The following OTUD7A variants were observed in gnomAD, a reference collection of about 807,000 sequenced individuals.
OTUD7A encodes OTU deubiquitinase 7A, also known as OTU domain-containing protein 7A.
In OTUD7A, 12 loss-of-function variants were observed where a neutral mutation model predicts 65.7. That is an observed-to-expected ratio of 0.18 (90% CI 0.12 to 0.30). The LOEUF (loss-of-function observed/expected upper bound fraction) is 0.30, where lower values mean the gene tolerates loss of function less well. Ranked by LOEUF, OTUD7A falls within the 10% of genes least tolerant of loss-of-function variation. The probability of loss-of-function intolerance (pLI) is 1.00; values close to 1 mark genes in which losing one functional copy is unlikely to be tolerated. For missense variants in OTUD7A, 1,148 were observed against 1,304.8 expected (o/e 0.88, Z 1.85); for synonymous variants, 641 against 586.3 (o/e 1.09, Z -1.35).
At chr15:31,637,573 T>C (rs1045886680) in intron 3 of OTUD7A, among the ~76,000 whole-genome samples, 3 of 152,352 alleles carry the variant, frequency 2.0e-5, no homozygotes, top group Middle Eastern at 3.4e-3. Context: ...ATACATTTTA[T>C]AAGGCTATAA....
At chr15:31,563,324 A>G (rs2141163740) in intron 4 of OTUD7A, among the ~76,000 whole-genome samples, 1 of 152,352 alleles carries the variant, frequency 6.6e-6, no homozygotes, top group South Asian at 2.1e-4. Context: ...GAAGGCCCTG[A>G]GCACAAGACC....
chr15:31,790,034 G>A (rs143057801), intron 1 of OTUD7A, among the ~76,000 whole-genome samples: 1 of 152,230 alleles, frequency 6.6e-6, no homozygotes, highest in South Asian at 2.1e-4. Context: ...ACTGGGAGAG[G>A]GAAGAGGATA....
chr15:31,847,863 G>A (rs1444168260), intron 1 of OTUD7A, among the ~76,000 whole-genome samples: 1 of 152,160 alleles, frequency 6.6e-6, no homozygotes, highest in Non-Finnish European at 1.5e-5. Context: ...TACCACATTG[G>A]AGCAGGAGAG....
chr15:31,524,847 G>A (rs2041988989), intron 8 of OTUD7A, among the ~76,000 whole-genome samples: 1 of 152,138 alleles, frequency 6.6e-6, no homozygotes, highest in Non-Finnish European at 1.5e-5. Flanking sequence ...TGGGAGATAG[G>A]GACAGACACC....
chr15:31,847,071 G>A lies in OTUD7A; in HGVS notation c.-100+23436C>T, dbSNP rs1024920278. Among the ~76,000 whole-genome samples, 12 of 152,312 alleles carry A rather than the reference G, an allele frequency of 7.9e-5. No individual in the cohort carries two copies. In the South Asian group the frequency reaches 1.2e-3, roughly 16 times the overall value. On this transcript the variant is annotated intron_variant, in intron 1 of 12. Coordinates refer to ENST00000307050, the MANE Select transcript of OTUD7A (RefSeq NM_001382637.1). ...CTATGCCAAGAGGGCAGGGCACCCC[G>A]CAGGCCTGCCGTAGCCTGGGCATCC...
rs2041233126 is a variant in OTUD7A at position 31,486,094 on chromosome 15, G to T, written c.1371+1100C>A. On this transcript the variant is annotated intron_variant, in intron 12 of 12. Coordinates refer to ENST00000307050, the MANE Select transcript of OTUD7A (RefSeq NM_001382637.1). ...GGAAGGACCCTTCCCACAGTTGTCT[G>T]CTGAGAGCCCTGCATCTAACATGAA... 3.3e-5 allele frequency among the ~76,000 whole-genome samples: 5 copies of T among 152,310 alleles called. No individual in the cohort carries two copies. The South Asian group carries it at 1.0e-3, about 32-fold the overall frequency.
intron 1 of OTUD7A, among the ~76,000 whole-genome samples, chr15:31,859,018 T>C (rs1897650330): frequency 6.6e-6 from 1 of 151,952 alleles, no homozygotes; most frequent in Non-Finnish European, 1.5e-5. Flanking sequence ...ATTGGGAAGA[T>C]CAAATTAGAT....
intron 1 of OTUD7A, among the ~76,000 whole-genome samples, chr15:31,794,702 C>T (rs1895906384): frequency 6.6e-6 from 1 of 151,934 alleles, no homozygotes; most frequent in African/African-American, 2.4e-5. Context: ...ATCGCTTCAT[C>T]CACCTCGCCC....
At chr15:31,668,170 T>C (rs1227846667) in intron 1 of OTUD7A, among the ~76,000 whole-genome samples, 3 of 152,240 alleles carry the variant, frequency 2.0e-5, no homozygotes, top group Non-Finnish European at 4.4e-5. Flanking sequence ...TTTGTGCTTC[T>C]TGTATTTGAA....
intron 1 of OTUD7A, among the ~76,000 whole-genome samples, chr15:31,867,215 G>T (rs1354604038): frequency 6.6e-6 from 1 of 152,114 alleles, no homozygotes; most frequent in East Asian, 1.9e-4. Context: ...ATCAGATAAA[G>T]CACATTTTAA....
Position 31,717,563 on chromosome 15 carries a change from C to T in OTUD7A, c.-99-60486G>A, listed in dbSNP as rs541825242. ...GCTTCATCCATGTCCCTACAAAGGA[C>T]ATGAACTCATCCTTTTTCATGGCTG... On this transcript the variant is annotated intron_variant, in intron 1 of 12. Coordinates refer to ENST00000307050, the MANE Select transcript of OTUD7A (RefSeq NM_001382637.1). Among the ~76,000 whole-genome samples, 78 of 152,336 alleles carry T rather than the reference C, an allele frequency of 5.1e-4. 1 individual carries two copies. Among genetic ancestry groups the T allele is most frequent in the Middle Eastern group, 3.4e-3 (1 of 292 alleles).
At chr15:31,858,811 C>T (rs540128206) in intron 1 of OTUD7A, among the ~76,000 whole-genome samples, 8 of 152,314 alleles carry the variant, frequency 5.3e-5, no homozygotes, top group East Asian at 3.9e-4. Context: ...CTCTCACAGA[C>T]GTCACTAAAA....
rs1285157904 is a variant in OTUD7A, at chr15:31,782,827, C to T, written c.-100+87680G>A. 2.0e-5 allele frequency among the ~76,000 whole-genome samples: 3 copies of T among 152,150 alleles called. No homozygotes were observed. In the East Asian group the frequency reaches 5.8e-4, roughly 29 times the overall value. On this transcript the variant is annotated intron_variant, in intron 1 of 12. Transcript: ENST00000307050. ...AAAAAGAGGAGGCCTGGAGCAAGAG[C>T]TTGGCTGACAGCAGGATCAGAGGTC...
chr15:31,808,136 C>CACAAAAAAAAAAA (rs772574742), intron 1 of OTUD7A, among the ~76,000 whole-genome samples: 1 of 119,418 alleles, frequency 8.4e-6, no homozygotes, highest in African/African-American at 2.8e-5. Flanking sequence ...CACACACACA[C>CACAAAAAAAAAAA]AAACAAATCC....
chr15:31,500,340 A>T (rs1010939756), intron 10 of OTUD7A, among the ~76,000 whole-genome samples: 10 of 152,240 alleles, frequency 6.6e-5, no homozygotes, highest in African/African-American at 2.4e-4. Context: ...AATAATAAAG[A>T]ACCATGATGT....
intron 1 of OTUD7A, among the ~76,000 whole-genome samples, chr15:31,762,841 T>C (rs1023225435): frequency 1.3e-5 from 2 of 152,108 alleles, no homozygotes; most frequent in Admixed American, 6.5e-5. Context: ...CAATCCAAAT[T>C]ACTTGGTACA....
At chr15:31,836,578 GA>G (rs1315183343) in intron 1 of OTUD7A, among the ~76,000 whole-genome samples, 1 of 152,114 alleles carries the variant, frequency 6.6e-6, no homozygotes, top group Non-Finnish European at 1.5e-5. Flanking sequence ...CATGAAGACA[GA>G]CACAACAAAC....
At chr15:31,672,213 G>C (rs1404103388) in intron 1 of OTUD7A, among the ~76,000 whole-genome samples, 1 of 152,096 alleles carries the variant, frequency 6.6e-6, no homozygotes, top group Non-Finnish European at 1.5e-5. Flanking sequence ...CTGAAGGTTG[G>C]TAGATTTGAC....
At chr15:31,559,237 G>A (rs1166358757) in intron 4 of OTUD7A, 50 bp from the exon 5 acceptor site, 3 of 1,531,442 alleles carry the variant, frequency 2.0e-6, no homozygotes, top group South Asian at 1.2e-5. Flanking sequence ...GGGTGTAGGT[G>A]TGGCTCTATG....
Sources: gnomAD v4.1 joint callset for allele counts (sites outside exome capture counted in the v4.1 genomes callset) on GRCh38, gnomAD v4.1.1 for gene constraint, MANE v1.5 for transcripts, NCBI Gene and HGNC (gene_info 2026-07-23, HGNC 2026-07-21) for gene names.